ADAMTS17: variants seen among roughly 807,000 people sequenced by gnomAD.
ADAMTS17 encodes ADAM metallopeptidase with thrombospondin type 1 motif 17, also known as A disintegrin and metalloproteinase with thrombospondin motifs 17.
ADAMTS17 carries 113 observed loss-of-function variants against 141.5 expected under a neutral mutation model. The observed-to-expected ratio is 0.80, with a 90% CI of 0.69 to 0.93. ADAMTS17 has a LOEUF of 0.93. Ranked by LOEUF, ADAMTS17 falls within the 40% of genes least tolerant of loss-of-function variation. The pLI is 0.00. For synonymous variants in ADAMTS17, 768 were observed against 630.6 expected, an observed-to-expected ratio of 1.22 and a Z score of -3.27; for missense variants, 1,659 against 1,517.9, an observed-to-expected ratio of 1.09 and a Z score of -1.54.
intron 8 of ADAMTS17, among the ~76,000 whole-genome samples, chr15:100,186,274 G>A (rs2040713693): frequency 1.3e-5 from 2 of 152,184 alleles, no homozygotes; most frequent in African/African-American, 4.8e-5. Flanking sequence ...GGCACATGGC[G>A]AGTGCATGGA....
At chr15:100,238,861 G>A (rs373540259) in intron 7 of ADAMTS17, among the ~76,000 whole-genome samples, 53 of 152,354 alleles carry the variant, frequency 3.5e-4, no homozygotes, top group African/African-American at 1.3e-3. Flanking sequence ...CAGGAGGGCA[G>A]AATACTTGAG....
intron 7 of ADAMTS17, among the ~76,000 whole-genome samples, chr15:100,221,567 C>G (rs930846736): frequency 1.3e-5 from 2 of 152,244 alleles, no homozygotes; most frequent in African/African-American, 4.8e-5. Flanking sequence ...TTCCACCTCC[C>G]TTTAATTACA....
chr15:100,337,141 TG>T (rs777425049), intron 2 of ADAMTS17, among the ~76,000 whole-genome samples: 3 of 152,248 alleles, frequency 2.0e-5, no homozygotes, highest in Non-Finnish European at 4.4e-5. Flanking sequence ...TCCAAAGTGC[TG>T]GGATTACAGG....
At chr15:100,299,258 G>A (rs1172561051) in intron 3 of ADAMTS17, among the ~76,000 whole-genome samples, 3 of 151,566 alleles carry the variant, frequency 2.0e-5, no homozygotes, top group African/African-American at 7.3e-5. Flanking sequence ...AAGTGTGGAT[G>A]AGGCAGGCCA....
intron 18 of ADAMTS17, among the ~76,000 whole-genome samples, chr15:100,038,176 G>A (rs2030925214): frequency 6.6e-6 from 1 of 152,244 alleles, no homozygotes; most frequent in South Asian, 2.1e-4. Context: ...GCAGTTGACA[G>A]TAACTGTGAA....
chr15:100,085,520 C>T (rs1021764852), intron 15 of ADAMTS17, among the ~76,000 whole-genome samples: 9 of 151,810 alleles, frequency 5.9e-5, no homozygotes, highest in Admixed American at 2.6e-4. Flanking sequence ...TCGAGAAGAG[C>T]GACTCCAAGA....
intron 3 of ADAMTS17, among the ~76,000 whole-genome samples, chr15:100,313,276 A>G (rs955758193): frequency 5.9e-5 from 9 of 152,254 alleles, no homozygotes; most frequent in African/African-American, 1.9e-4. Context: ...AGCCTAAATA[A>G]AACACTAGCA....
intron 8 of ADAMTS17, 143 bp from the exon 9 acceptor site, chr15:100,155,463 CCA>C: frequency 2.6e-6 from 3 of 1,153,272 alleles, no homozygotes; most frequent in Non-Finnish European, 2.5e-6. Flanking sequence ...CACAGCAGAC[CCA>C]CAGTCATGTG....
rs910698806 is a variant in ADAMTS17, at chr15:100,249,035, G to A, written c.1075+5101C>T. Reference sequence around the variant, plus strand: ...GCTGGTCTCAAATTCTTGACCTCACGTGATCCGCCCACCTCGGCCTCCCAA... The same window carrying A: ...GCTGGTCTCAAATTCTTGACCTCACATGATCCGCCCACCTCGGCCTCCCAA... On this transcript the variant is annotated intron_variant, in intron 7 of 21. Transcript: ENST00000268070. Among the ~76,000 whole-genome samples, 4 of 152,162 alleles carry A rather than the reference G, an allele frequency of 2.6e-5. No individual in the cohort carries two copies. The East Asian group carries it at 5.8e-4, about 22-fold the overall frequency.
At chr15:100,171,141 T>C (rs1238278516) in intron 8 of ADAMTS17, among the ~76,000 whole-genome samples, 7 of 152,110 alleles carry the variant, frequency 4.6e-5, no homozygotes, top group Non-Finnish European at 8.8e-5. Flanking sequence ...TTAGCCCACC[T>C]GCAGGAGGGG....
intron 8 of ADAMTS17, among the ~76,000 whole-genome samples, chr15:100,181,220 C>G (rs1205592592): frequency 6.6e-6 from 1 of 152,196 alleles, no homozygotes; most frequent in East Asian, 1.9e-4. Flanking sequence ...GTGGACTCCC[C>G]TCTGGCCCAG....
chr15:100,018,836 C>G (rs1028809032), intron 18 of ADAMTS17, among the ~76,000 whole-genome samples: 8 of 152,164 alleles, frequency 5.3e-5, no homozygotes, highest in African/African-American at 1.2e-4. Flanking sequence ...ACTGACAACA[C>G]TAAAAATATG....
At chr15:100,228,205 T>C (rs1167409497) in intron 7 of ADAMTS17, among the ~76,000 whole-genome samples, 1 of 152,220 alleles carries the variant, frequency 6.6e-6, no homozygotes, top group African/African-American at 2.4e-5. Flanking sequence ...CTTCTCACAG[T>C]TCGGATCCTA....
intron 3 of ADAMTS17, among the ~76,000 whole-genome samples, chr15:100,312,019 A>C (rs2045421660): frequency 6.6e-6 from 1 of 152,218 alleles, no homozygotes; most frequent in Non-Finnish European, 1.5e-5. Flanking sequence ...CTGAGGCTGC[A>C]GGAGGGATGG....
intron 5 of ADAMTS17, 102 bp from the exon 6 acceptor site, chr15:100,261,738 G>A: frequency 1.5e-6 from 2 of 1,342,050 alleles, no homozygotes; most frequent in Non-Finnish European, 2.1e-6. Context: ...GTCACTCACT[G>A]AGACATCATT....
intron 12 of ADAMTS17, chr15:100,128,434 CAG>C (rs1468512895): frequency 6.6e-6 from 1 of 152,172 alleles, no homozygotes; most frequent in East Asian, 1.9e-4. Flanking sequence ...TGCTGGACAA[CAG>C]AGATTGGACG....
At position 100,189,940 on chromosome 15, in the gene ADAMTS17, C is replaced by T. The variant is rs145845676; in HGVS notation, c.1181+9378G>A. On this transcript the variant is annotated intron_variant, in intron 8 of 21. Coordinates refer to ENST00000268070, the MANE Select transcript of ADAMTS17 (RefSeq NM_139057.4). ...CCTCAGTTGCCTGCATCAGCATCAC[C>T]GGGGCCTTGGAAACCCTAAGACTCT... Among the ~76,000 whole-genome samples, 498 of 152,282 alleles carry T rather than the reference C, an allele frequency of 3.3e-3. 1 individual carries two copies. Among genetic ancestry groups the T allele is most frequent in the South Asian group, 7.7e-3 (37 of 4,818 alleles).
intron 7 of ADAMTS17, among the ~76,000 whole-genome samples, chr15:100,203,659 C>T (rs148721263): frequency 6.6e-6 from 1 of 152,124 alleles, no homozygotes; most frequent in Non-Finnish European, 1.5e-5. Context: ...GAGCCGAGAT[C>T]GCGCCACTGC....
chr15:100,125,256 T>C (rs2037670147), intron 12 of ADAMTS17, among the ~76,000 whole-genome samples: 1 of 152,218 alleles, frequency 6.6e-6, no homozygotes, highest in Non-Finnish European at 1.5e-5. Context: ...TAAGGCCTCC[T>C]CTGAAAGGTG....
Sources: allele counts gnomAD v4.1 joint callset (sites outside exome capture counted in the v4.1 genomes callset), GRCh38; gene constraint gnomAD v4.1.1; transcripts MANE v1.5; gene names NCBI Gene and HGNC (gene_info 2026-07-23, HGNC 2026-07-21).